ZNF331: variants seen among roughly 807,000 people sequenced by gnomAD.
The protein encoded by ZNF331 is C2H2-like zinc finger protein rearranged in thyroid adenomas.
In ZNF331, 2 loss-of-function variants were observed where a neutral mutation model predicts 7.0. That is an observed-to-expected ratio of 0.29 (90% confidence interval 0.12 to 0.90). ZNF331 has a LOEUF of 0.90. Ranked by LOEUF, ZNF331 falls within the 40% of genes least tolerant of loss-of-function variation. The pLI is 0.58. For synonymous variants in ZNF331, 196 were observed against 205.4 expected (o/e 0.95, Z 0.39); for missense variants, 432 against 587.7 (o/e 0.74, Z 2.74).
At chr19:53,507,421 G>T in the ZNF331 span, among the ~76,000 whole-genome samples, 1 of 152,278 alleles carries the variant, frequency 6.6e-6, no homozygotes, top group Admixed American at 6.5e-5. Context: ...TTATGACACA[G>T]AAATGGTGTA....
At chr19:53,563,180 C>T (rs537482237) in intron 3 of ZNF331, among the ~76,000 whole-genome samples, 11 of 150,112 alleles carry the variant, frequency 7.3e-5, no homozygotes, top group Non-Finnish European at 1.3e-4. Context: ...CTCCGCCTCC[C>T]GGGTTCAAGC....
intron 2 of ZNF331, among the ~76,000 whole-genome samples, chr19:53,552,032 T>C (rs2089044392): frequency 6.6e-6 from 1 of 152,176 alleles, no homozygotes; most frequent in African/African-American, 2.4e-5. Flanking sequence ...CTTGTACAAG[T>C]AACATTTCCA....
At chr19:53,516,940 T>G (rs942379321), upstream of ZNF331, among the ~76,000 whole-genome samples, 2 of 152,214 alleles carry the variant, frequency 1.3e-5, no homozygotes, top group Non-Finnish European at 2.9e-5. Context: ...ATTGAGAATT[T>G]GTATACCAAA....
chr19:53,549,710 T>A (rs1411270023), intron 2 of ZNF331, among the ~76,000 whole-genome samples: 8 of 145,826 alleles, frequency 5.5e-5, no homozygotes, highest in East Asian at 2.0e-4. Context: ...AAAAAAAAAA[T>A]TTTTTTTTAA....
intron 3 of ZNF331, among the ~76,000 whole-genome samples, chr19:53,559,006 A>T (rs1310758908): frequency 2.6e-5 from 4 of 151,302 alleles, no homozygotes; most frequent in Non-Finnish European, 5.9e-5. Context: ...ATATATACAC[A>T]CATATACATA....
chr19:53,530,278 G>C (rs1440289971), intron 2 of ZNF331, among the ~76,000 whole-genome samples: 1 of 72,740 alleles, frequency 1.4e-5, no homozygotes, highest in East Asian at 3.7e-4. Flanking sequence ...CTCCCACCAG[G>C]CCGCACCTCC....
At chr19:53,523,765 A>T (rs2147234181) in intron 2 of ZNF331, among the ~76,000 whole-genome samples, 1 of 143,144 alleles carries the variant, frequency 7.0e-6, no homozygotes, top group East Asian at 2.0e-4. Context: ...GTCTATAGGG[A>T]TACTATTTTT....
At chr19:53,517,455 G>T (rs1366364242), upstream of ZNF331, among the ~76,000 whole-genome samples, 1 of 152,148 alleles carries the variant, frequency 6.6e-6, no homozygotes, top group Non-Finnish European at 1.5e-5. Context: ...GCTCAAAACG[G>T]CCATCTTAAC....
intron 4 of ZNF331, among the ~76,000 whole-genome samples, chr19:53,570,746 G>T (rs2090401174): frequency 6.6e-6 from 1 of 151,924 alleles, no homozygotes; most frequent in African/African-American, 2.4e-5. Flanking sequence ...TGGTCAACCT[G>T]GTCTCGAACC....
upstream of ZNF331, among the ~76,000 whole-genome samples, chr19:53,517,410 A>C (rs888953299): frequency 8.5e-5 from 13 of 152,172 alleles, no homozygotes; most frequent in Admixed American, 6.5e-4. Flanking sequence ...TCCTCCCCAC[A>C]GGACTCTGGC....
At chr19:53,548,910 C>T (rs1366347528) in intron 2 of ZNF331, among the ~76,000 whole-genome samples, 4 of 151,314 alleles carry the variant, frequency 2.6e-5, no homozygotes, top group South Asian at 2.1e-4. Flanking sequence ...TGCAGTGGCA[C>T]GATCTCGGCT....
chr19:53,569,017 C>T (rs76511820), intron 3 of ZNF331, among the ~76,000 whole-genome samples: 6,040 of 152,094 alleles, frequency 0.04, 214 homozygotes, highest in South Asian at 0.14. Flanking sequence ...CCACCACATC[C>T]GGCTAATTTT....
intron 3 of ZNF331, among the ~76,000 whole-genome samples, chr19:53,565,771 C>G (rs1000302801): frequency 1.3e-5 from 2 of 151,962 alleles, no homozygotes; most frequent in Non-Finnish European, 2.9e-5. Flanking sequence ...TCAGGTGATC[C>G]GCCCGCCTCA....
At position 53,573,806 on chromosome 19, in the gene ZNF331, T is replaced by C. The variant is rs977648800; in HGVS notation, c.136+2076T>C. Reference sequence around the variant, plus strand: ...GACTTCTGGTTGTTATAAATTTGATTAATACTCAATCAAAAAAAATTTAAG... The same window carrying C: ...GACTTCTGGTTGTTATAAATTTGATCAATACTCAATCAAAAAAAATTTAAG... On this transcript the variant is annotated intron_variant, in intron 5 of 5. Transcript: ENST00000449416. This position sits in a 1 kb window ranked among gnomAD's most constrained non-coding sequence, Gnocchi z 4.2. Among the ~76,000 whole-genome samples, 6 of 152,038 alleles carry C rather than the reference T, an allele frequency of 3.9e-5. No individual in the cohort carries two copies. The highest frequency in any genetic ancestry group is 7.2e-5 in the African/African-American group (3 of 41,384).
At position 53,577,025 on chromosome 19, in the gene ZNF331, T is replaced by C. The variant is rs1351; in HGVS notation, c.465T>C (p.Gly155=). 116,003 of 1,613,362 alleles carry C rather than the reference T, an allele frequency of 0.072. 5,895 individuals carry two copies. The highest frequency in any genetic ancestry group is 0.27 in the African/African-American group (19,815 of 74,762). The change falls in exon 6 of 6, where the codon GGT becomes GGC. Residue 155 remains glycine, a synonymous_variant. Coordinates refer to ENST00000449416, the MANE Select transcript of ZNF331 (RefSeq NM_001079906.2). The part of the protein sequence containing the change: ...QLSQHQKIHT[G]EKPYECKECK... ...GTCAACATCAGAAAATCCATACTGG[T>C]GAGAAACCTTATGAATGTAAAGAAT...
rs2147737068 is a variant in ZNF331, at chr19:53,579,439, T to C, written c.*1487T>C. The C allele has an allele frequency of 4.6e-6, 1 of 216,556 alleles. No individual in the cohort carries two copies. The highest frequency in any genetic ancestry group is 6.8e-5 in the East Asian group (1 of 14,702). 13.4% of individuals were successfully genotyped at this position (216,556 alleles called of 1,614,324 possible). The stretch of plus-strand genomic sequence containing the variant: ...AGCACACAGACACTATGTGCATTAT[T>C]TGTACATAAGGATAATCACATCTAC... On this transcript the variant is annotated 3_prime_UTR_variant, in exon 6 of 6. Coordinates refer to ENST00000449416, the MANE Select transcript of ZNF331 (RefSeq NM_001079906.2).
At chr19:53,562,996 A>G (rs2089972379) in intron 3 of ZNF331, among the ~76,000 whole-genome samples, 1 of 151,832 alleles carries the variant, frequency 6.6e-6, no homozygotes, top group African/African-American at 2.4e-5. Context: ...TTAAAAAAAC[A>G]AAAAACAAAA....
At position 53,579,829 on chromosome 19, in the gene ZNF331, GGAA is replaced by G. The variant is rs1568563200; in HGVS notation, c.*1883_*1885del. The G allele has an allele frequency of 1.0e-5, 2 of 199,488 alleles. No individual in the cohort carries two copies. 12.4% of individuals were successfully genotyped at this position (199,488 alleles called of 1,614,324 possible). A position where few individuals can be genotyped will look rare whatever the true frequency, so the allele number is the denominator to read the frequency against. ...TAGGGAAAAGACAAGAAACAGGACT[GGAA>G]GAAGATGTTTGCTCTAAGGTACACC... is the stretch of plus-strand genomic sequence containing the variant. On this transcript the variant is annotated 3_prime_UTR_variant, in exon 6 of 6. Coordinates refer to ENST00000449416, the MANE Select transcript of ZNF331 (RefSeq NM_001079906.2).
At position 53,577,672 on chromosome 19, in the gene ZNF331, C is replaced by G; in HGVS notation, c.1112C>G (p.Thr371Ser). ...GKAFNCGYHL[T>S]QHERIHTGET... ...GCCTTCAATTGTGGCTATCACCTCA[C>G]TCAGCACGAGAGAATCCACACAGGC... The change falls in exon 6 of 6, where the codon ACT becomes AGT. Residue 371 changes from threonine (T) to serine (S), a missense_variant. Physicochemically the swap from Thr to Ser is moderately conservative, Grantham distance 58. Coordinates refer to ENST00000449416, the MANE Select transcript of ZNF331 (RefSeq NM_001079906.2). 6.2e-7 allele frequency: 1 copy of G among 1,614,122 alleles called. No individual in the cohort carries two copies. The highest frequency in any genetic ancestry group is 8.5e-7 in the Non-Finnish European group (1 of 1,180,020).
Sources: gnomAD v4.1 joint callset for allele counts (sites outside exome capture counted in the v4.1 genomes callset) on GRCh38, gnomAD v4.1.1 for gene constraint, Gnocchi (gnomAD v3.1) non-coding constraint, MANE v1.5 for transcripts, NCBI Gene and HGNC (gene_info 2026-07-23, HGNC 2026-07-21) for gene names.